Variants in SMARCE1 observed in about 807,000 individuals in gnomAD.
SMARCE1 encodes the protein SWI/SNF-related matrix-associated actin-dependent regulator of chromatin subfamily E member 1.
A neutral mutation model predicts 54.9 loss-of-function variants in SMARCE1; 13 were observed. The observed-to-expected ratio is 0.24, with a 90% confidence interval of 0.15 to 0.38. The LOEUF is 0.38. SMARCE1 is among the 10% of genes least tolerant of loss of function. SMARCE1 has a pLI of 1.00. For synonymous variants in SMARCE1, 151 were observed against 175.3 expected, an observed-to-expected ratio of 0.86 and a Z score of 1.10; for missense variants, 295 against 523.8, an observed-to-expected ratio of 0.56 and a Z score of 4.26.
At chr17:40,632,422 T>G (rs943010200) in intron 7 of SMARCE1, 55 bp from the exon 8 acceptor site, 2 of 1,493,000 alleles carry the variant, frequency 1.3e-6, no homozygotes, top group East Asian at 2.3e-5. Context: ...TAAAAAGGAG[T>G]GTAACAATGT....
intron 3 of SMARCE1, chr17:40,644,278 G>T (rs985270292): frequency 6.6e-6 from 1 of 151,260 alleles, no homozygotes; most frequent in Non-Finnish European, 1.5e-5. Flanking sequence ...CACCTTCAAA[G>T]GTAGCATAAA....
At chr17:40,639,134 T>C (rs1346850328) in intron 4 of SMARCE1, among the ~76,000 whole-genome samples, 1 of 152,148 alleles carries the variant, frequency 6.6e-6, no homozygotes, top group African/African-American at 2.4e-5. Context: ...GAGAGTGAGA[T>C]GGCCAGGGGC....
Position 40,642,310 on chromosome 17 carries a change from C to T in SMARCE1, c.156+145G>A. The T allele has an allele frequency of 2.8e-6, 2 of 703,158 alleles. No homozygotes were observed. Among genetic ancestry groups the T allele is most frequent in the Non-Finnish European group, 5.2e-6 (2 of 384,454 alleles). The allele number at this position is 703,158 out of a possible 1,614,324, so 43.6% of individuals were successfully genotyped here. On this transcript the variant is annotated intron_variant, in intron 4 of 10. Coordinates refer to ENST00000348513, the MANE Select transcript of SMARCE1 (RefSeq NM_003079.5). The surrounding 1 kb of genome is among the most constrained non-coding windows in gnomAD (Gnocchi z 4.6). ...TTTATTTTTTCAGTGTGAGATGCTA[C>T]AACGAATGTTGAAAATACTCAAAAA...
At chr17:40,637,210 C>T (rs904518324) in intron 5 of SMARCE1, 2 of 410,248 alleles carry the variant, frequency 4.9e-6, no homozygotes, top group Non-Finnish European at 9.0e-6. Context: ...CTTCACTTAA[C>T]ATTTTCCTCA....
At chr17:40,631,738 T>C in intron 8 of SMARCE1, 45 bp from the exon 9 acceptor site, 1 of 1,044,872 alleles carries the variant, frequency 9.6e-7, no homozygotes, top group Non-Finnish European at 1.5e-6. Context: ...CATTTTTTAA[T>C]GGTCCATACT....
chr17:40,627,854 T>A lies in SMARCE1; in HGVS notation c.*931A>T, dbSNP rs962169778. ...TTGCTTCTAGTCTCCAAGACTTTAC[T>A]AAGTTTATCAAAAAGGTGGGCTCTG... On this transcript the variant is annotated 3_prime_UTR_variant, in exon 11 of 11. Coordinates refer to ENST00000348513, the MANE Select transcript of SMARCE1 (RefSeq NM_003079.5). 4.6e-5 allele frequency: 7 copies of A among 152,644 alleles called. No individual in the cohort carries two copies. Among genetic ancestry groups the A allele is most frequent in the Admixed American group, 3.3e-4 (5 of 15,284 alleles). The allele number at this position is 152,644 out of a possible 1,614,324, so 9.5% of individuals were successfully genotyped here.
chr17:40,637,435 A>C, intron 5 of SMARCE1, 57 bp downstream of exon 5: 1 of 1,327,020 alleles, frequency 7.5e-7, no homozygotes, highest in Non-Finnish European at 1.1e-6. Context: ...GTTGGATGTT[A>C]AGCAAAGAAG....
rs765736374 is a variant in SMARCE1 at position 40,632,327 on chromosome 17, G to A, written c.582C>T (p.Ala194=). ...DGFSMKHTAT[A]RFQRNHRLIS... ...TGAGGCGGTGGTTTCTCTGGAAACG[G>A]GCGGTGGCTGTATGCTTCATTGAAA... is the stretch of plus-strand genomic sequence containing the variant. Residue 194 remains alanine, a synonymous_variant, in exon 8 of 11, where the codon GCC becomes GCT. Coordinates refer to ENST00000348513, the MANE Select transcript of SMARCE1 (RefSeq NM_003079.5). 1.2e-6 allele frequency: 2 copies of A among 1,614,058 alleles called. No homozygotes were observed. Among genetic ancestry groups the A allele is most frequent in the East Asian group, 2.2e-5 (1 of 44,878 alleles).
chr17:40,638,730 G>C (rs538741451), intron 4 of SMARCE1, among the ~76,000 whole-genome samples: 98 of 152,274 alleles, frequency 6.4e-4, no homozygotes, highest in Middle Eastern at 3.4e-3. Context: ...TGCTAGGCTG[G>C]AGAAATGAAG....
In SMARCE1 at chr17:40,647,777, G is replaced by C. The variant is rs1004700409; in HGVS notation, c.-50C>G. On this transcript the variant is annotated 5_prime_UTR_variant, in exon 1 of 11. Transcript: ENST00000348513. ...GTCCCACTTGGAAACACTCACCCGC[G>C]GGCAGAAAAAGCGCCCGCAGCTCCG... The C allele has an allele frequency of 6.5e-6, 1 of 153,444 alleles. No homozygotes were observed. Among genetic ancestry groups the C allele is most frequent in the African/African-American group, 2.4e-5 (1 of 41,422 alleles). 9.5% of individuals were successfully genotyped at this position (153,444 alleles called of 1,614,324 possible). A position where few individuals can be genotyped will look rare whatever the true frequency, so the allele number is the denominator to read the frequency against.
chr17:40,643,560 T>C (rs1373993522), intron 3 of SMARCE1: 1 of 152,296 alleles, frequency 6.6e-6, no homozygotes, highest in African/African-American at 2.4e-5. Flanking sequence ...AGAAAGAATA[T>C]AGTAGAGAGA....
rs2037028342 is a variant in SMARCE1 at position 40,625,701 on chromosome 17, T to A, written c.*3084A>T. The A allele has an allele frequency of 6.6e-6, 1 of 152,160 alleles. No individual in the cohort carries two copies. The highest frequency in any genetic ancestry group is 2.1e-4 in the South Asian group (1 of 4,832). 9.4% of individuals were successfully genotyped at this position (152,160 alleles called of 1,614,324 possible). Reference sequence around the variant, plus strand: ...GATCAAAACCAAAAATCTGGAGGGATCTAGTTAAACTTCAATATGCATGAC... The same window carrying A: ...GATCAAAACCAAAAATCTGGAGGGAACTAGTTAAACTTCAATATGCATGAC... On this transcript the variant is annotated 3_prime_UTR_variant, in exon 11 of 11. Coordinates refer to ENST00000348513, the MANE Select transcript of SMARCE1 (RefSeq NM_003079.5).
chr17:40,642,287 TA>T lies in SMARCE1; in HGVS notation c.156+167del. On this transcript the variant is annotated intron_variant, in intron 4 of 10. Transcript: ENST00000348513. This position sits in a 1 kb window ranked among gnomAD's most constrained non-coding sequence, Gnocchi z 4.6. ...TATATACATTCCAGATCTCACTATTTATTTTTTCAGTGTGAGATGCTACAAC... is the reference window on the plus strand; with the variant it reads ...TATATACATTCCAGATCTCACTATTTTTTTTTCAGTGTGAGATGCTACAAC... 1 of 678,008 alleles carries T rather than the reference TA, an allele frequency of 1.5e-6. No individual in the cohort carries two copies. The highest frequency in any genetic ancestry group is 1.6e-5 in the South Asian group (1 of 62,920). 42.0% of individuals were successfully genotyped at this position (678,008 alleles called of 1,614,324 possible).
chr17:40,628,202 A>G lies in SMARCE1; in HGVS notation c.*583T>C, dbSNP rs1003055591. Reference sequence around the variant, plus strand: ...TAACCACTTCATAAGTAACTACTCTAACTATGGGGACTATTTCTGGATCAG... The same window carrying G: ...TAACCACTTCATAAGTAACTACTCTGACTATGGGGACTATTTCTGGATCAG... On this transcript the variant is annotated 3_prime_UTR_variant, in exon 11 of 11. Coordinates refer to ENST00000348513, the MANE Select transcript of SMARCE1 (RefSeq NM_003079.5). The G allele has an allele frequency of 6.5e-6, 1 of 153,380 alleles. No individual in the cohort carries two copies. Among genetic ancestry groups the G allele is most frequent in the African/African-American group, 2.4e-5 (1 of 41,456 alleles). 9.5% of individuals were successfully genotyped at this position (153,380 alleles called of 1,614,324 possible). A position where few individuals can be genotyped will look rare whatever the true frequency, so the allele number is the denominator to read the frequency against.
chr17:40,627,562 T>G lies in SMARCE1; in HGVS notation c.*1223A>C, dbSNP rs2037047735. ...TTGTACAAATAAGCTACTGCAGCAG[T>G]TTATAGAGATAGTTGGGTGAGACAA... On this transcript the variant is annotated 3_prime_UTR_variant, in exon 11 of 11. Transcript: ENST00000348513. The G allele has an allele frequency of 6.6e-6, 1 of 152,414 alleles. No homozygotes were observed. Among genetic ancestry groups the G allele is most frequent in the African/African-American group, 2.4e-5 (1 of 41,442 alleles). The allele number at this position is 152,414 out of a possible 1,614,324, so 9.4% of individuals were successfully genotyped here.
chr17:40,636,281 A>G (rs2037145259), intron 6 of SMARCE1, 114 bp downstream of exon 6: 1 of 1,227,208 alleles, frequency 8.1e-7, no homozygotes, highest in Non-Finnish European at 1.2e-6. Flanking sequence ...AGGTAGACAG[A>G]GCCTCAGTAC....
chr17:40,630,360 C>T, intron 10 of SMARCE1: 2 of 715,306 alleles, frequency 2.8e-6, no homozygotes, highest in South Asian at 3.2e-5. Context: ...CTCAACTATA[C>T]TGTTTTATCC....
intron 8 of SMARCE1, 113 bp downstream of exon 8, chr17:40,632,082 A>G: frequency 1.2e-6 from 1 of 831,558 alleles, no homozygotes; most frequent in Admixed American, 2.5e-5. Context: ...CAAATCAGGA[A>G]CAGGTTAGAT....
chr17:40,625,250 A>ACT lies in SMARCE1; in HGVS notation c.*3534_*3535insAG, dbSNP rs910635115. The stretch of plus-strand genomic sequence containing the variant: ...GACATCGTTTTCTGCTAAACTCAGT[A>ACT]TTTTCCTTTCCATCCTGATCAAAGA... On this transcript the variant is annotated 3_prime_UTR_variant, in exon 11 of 11. Coordinates refer to ENST00000348513, the MANE Select transcript of SMARCE1 (RefSeq NM_003079.5). The ACT allele has an allele frequency of 6.6e-6, 1 of 152,216 alleles. No individual in the cohort carries two copies. Among genetic ancestry groups the ACT allele is most frequent in the African/African-American group, 2.4e-5 (1 of 41,456 alleles). 9.4% of individuals were successfully genotyped at this position (152,216 alleles called of 1,614,324 possible). A position where few individuals can be genotyped will look rare whatever the true frequency, so the allele number is the denominator to read the frequency against.
Sources: allele counts gnomAD v4.1 joint callset (sites outside exome capture counted in the v4.1 genomes callset), GRCh38; gene constraint gnomAD v4.1.1; non-coding constraint Gnocchi (gnomAD v3.1); transcripts MANE v1.5; gene names NCBI Gene and HGNC (gene_info 2026-07-23, HGNC 2026-07-21).